The following SKA2 variants were observed in gnomAD, a reference collection of about 807,000 sequenced individuals.
The protein encoded by SKA2 is spindle and kinetochore associated complex subunit 2.
SKA2 carries 13 observed loss-of-function variants against 16.9 expected under a neutral mutation model. The ratio of observed to expected loss-of-function variants is 0.77; its 90% CI spans 0.50 to 1.22. The LOEUF (loss-of-function observed/expected upper bound fraction) is 1.22, where lower values mean the gene tolerates loss of function less well. SKA2 is among the 50% of genes most tolerant of loss of function. The pLI is 0.00. For synonymous variants in SKA2, 47 were observed against 48.5 expected, an observed-to-expected ratio of 0.97 and a Z score of 0.13; for missense variants, 107 against 139.7, an observed-to-expected ratio of 0.77 and a Z score of 1.18.
rs2046260072 is a variant in SKA2, at chr17:59,110,893, A to G, written c.*1384T>C. Reference sequence around the variant, plus strand: ...CTCACAACCCTGTTTTTCAGCTATTATAAGTTTGTTAATGGACAAACATGT... The same window carrying G: ...CTCACAACCCTGTTTTTCAGCTATTGTAAGTTTGTTAATGGACAAACATGT... On this transcript the variant is annotated 3_prime_UTR_variant, in exon 4 of 4. Transcript: ENST00000330137. The G allele has an allele frequency of 2.0e-5, 3 of 151,862 alleles. No homozygotes were observed. The highest frequency in any genetic ancestry group is 2.1e-4 in the South Asian group (1 of 4,820). The allele number at this position is 151,862 out of a possible 1,614,324, so 9.4% of individuals were successfully genotyped here.
At chr17:59,144,991 T>C (rs964119911) in intron 1 of SKA2, among the ~76,000 whole-genome samples, 4 of 152,066 alleles carry the variant, frequency 2.6e-5, no homozygotes, top group African/African-American at 4.8e-5. Context: ...AGAGACGGGG[T>C]TTCACCATGT....
Position 59,119,370 on chromosome 17 carries a change from C to G in SKA2, c.246G>C (p.Val82=). The G allele has an allele frequency of 6.2e-7, 1 of 1,613,948 alleles. No individual in the cohort carries two copies. ...TTTGTATCATATTCATAGTCTTTTT[C>G]ACAGTAGCACAAATGCGGCTCTTAC... ...KESKSRICAT[V]KKTMNMIQKL... is the part of the protein sequence containing the mutation. The change falls in exon 3 of 4, where the codon GTG becomes GTC. Residue 82 remains valine (V), a synonymous_variant. Coordinates refer to ENST00000330137, the MANE Select transcript of SKA2 (RefSeq NM_182620.4).
chr17:59,146,377 T>C (rs1217400076), intron 1 of SKA2, among the ~76,000 whole-genome samples: 1 of 152,162 alleles, frequency 6.6e-6, no homozygotes, highest in African/African-American at 2.4e-5. Context: ...TGCACGCCTG[T>C]AATCCCAGCT....
chr17:59,118,296 A>G (rs1156514426), intron 3 of SKA2: 2 of 152,240 alleles, frequency 1.3e-5, no homozygotes, highest in African/African-American at 2.4e-5. Flanking sequence ...CTATTACTAT[A>G]TAACTACTTT....
intron 1 of SKA2, among the ~76,000 whole-genome samples, chr17:59,152,154 G>A (rs1568313266): frequency 1.3e-5 from 2 of 152,136 alleles, no homozygotes; most frequent in Non-Finnish European, 2.9e-5. Context: ...GTAGTACCAC[G>A]AAAGAACAAA....
In SKA2 at chr17:59,145,291, T is replaced by C. The variant is rs376632055; in HGVS notation, c.33+9840A>G. ...TAAACAGTATGGTAAGAAAACTTAA[T>C]AGCTAGAATATTGATCTTACTTTCT... On this transcript the variant is annotated intron_variant, in intron 1 of 3. Transcript: ENST00000330137. Among the ~76,000 whole-genome samples, 3 of 152,214 alleles carry C rather than the reference T, an allele frequency of 2.0e-5. No homozygotes were observed. The East Asian group carries it at 5.8e-4, about 29-fold the overall frequency.
chr17:59,132,124 G>A (rs959386546), intron 1 of SKA2, among the ~76,000 whole-genome samples: 1 of 152,178 alleles, frequency 6.6e-6, no homozygotes, highest in African/African-American at 2.4e-5. Flanking sequence ...GGGAGGCCAA[G>A]GCAGGTGGAT....
intron 2 of SKA2, among the ~76,000 whole-genome samples, chr17:59,128,158 T>G (rs1599665938): frequency 2.0e-5 from 3 of 148,246 alleles, no homozygotes; most frequent in East Asian, 2.0e-4. Flanking sequence ...GAGGTTGCAG[T>G]GAGCTGAGAT....
At chr17:59,152,362 C>T (rs1353123631) in intron 1 of SKA2, among the ~76,000 whole-genome samples, 2 of 152,078 alleles carry the variant, frequency 1.3e-5, no homozygotes, top group Non-Finnish European at 2.9e-5. Flanking sequence ...TGGGCTCATA[C>T]AAAGGACAGC....
chr17:59,123,021 C>CAAAAAAAAAAAAAA (rs1197154280), intron 2 of SKA2, among the ~76,000 whole-genome samples: 1 of 49,154 alleles, frequency 2.0e-5, no homozygotes, highest in African/African-American at 7.0e-5. Context: ...AACCTTGTCT[C>CAAAAAAAAAAAAAA]AAAAAAAAAA....
At chr17:59,118,680 C>A (rs1041845838) in intron 3 of SKA2, among the ~76,000 whole-genome samples, 1 of 152,090 alleles carries the variant, frequency 6.6e-6, no homozygotes, top group Non-Finnish European at 1.5e-5. Flanking sequence ...TTCAATTGCC[C>A]TTCCTTCCTC....
At chr17:59,112,761 G>A (rs2046271621) in intron 3 of SKA2, among the ~76,000 whole-genome samples, 1 of 151,864 alleles carries the variant, frequency 6.6e-6, no homozygotes, top group Non-Finnish European at 1.5e-5. Context: ...ATATCCTCCT[G>A]TATACTTTAA....
intron 1 of SKA2, among the ~76,000 whole-genome samples, chr17:59,148,345 G>A (rs988105737): frequency 9.2e-5 from 14 of 152,108 alleles, no homozygotes. Context: ...GAAGGCTGAG[G>A]CAGGAGGACG....
chr17:59,120,810 A>T (rs1431123862), intron 2 of SKA2, among the ~76,000 whole-genome samples: 1 of 152,188 alleles, frequency 6.6e-6, no homozygotes, highest in African/African-American at 2.4e-5. Flanking sequence ...GTTAAAATTA[A>T]GAGAAAATCT....
chr17:59,143,092 T>C (rs987990386), intron 1 of SKA2, among the ~76,000 whole-genome samples: 11 of 152,022 alleles, frequency 7.2e-5, no homozygotes, highest in Admixed American at 6.6e-5. Context: ...TTTTAAAAGA[T>C]GTCTCTCTTA....
Position 59,114,655 on chromosome 17 carries a change from T to C in SKA2, c.298-2310A>G, listed in dbSNP as rs1028443168. On this transcript the variant is annotated intron_variant, in intron 3 of 3. Coordinates refer to ENST00000330137, the MANE Select transcript of SKA2 (RefSeq NM_182620.4). ...GTAGGCAGGAAAGGATAACAGATAC[T>C]GAGAAAGAAAAATGGCCAATAGCAT... 2.0e-5 allele frequency among the ~76,000 whole-genome samples: 3 copies of C among 152,116 alleles called. No homozygotes were observed. The East Asian group carries it at 5.8e-4, about 29-fold the overall frequency.
At chr17:59,140,825 G>A (rs1037897244) in intron 1 of SKA2, among the ~76,000 whole-genome samples, 18 of 144,650 alleles carry the variant, frequency 1.2e-4, no homozygotes, top group African/African-American at 3.6e-4. Flanking sequence ...GGGTTTCACC[G>A]TATTAGCTAG....
chr17:59,116,352 G>C (rs956133402), intron 3 of SKA2, among the ~76,000 whole-genome samples: 3 of 152,100 alleles, frequency 2.0e-5, no homozygotes, highest in African/African-American at 7.2e-5. Flanking sequence ...CAGCCTCGGC[G>C]ACAGAGGGAG....
At chr17:59,152,246 C>T (rs1415311266) in intron 1 of SKA2, among the ~76,000 whole-genome samples, 1 of 152,140 alleles carries the variant, frequency 6.6e-6, no homozygotes, top group Non-Finnish European at 1.5e-5. Context: ...CTTATTCCCC[C>T]ATTAGTAATG....
Sources: allele counts gnomAD v4.1 joint callset (sites outside exome capture counted in the v4.1 genomes callset), GRCh38; gene constraint gnomAD v4.1.1; transcripts MANE v1.5; gene names NCBI Gene and HGNC (gene_info 2026-07-23, HGNC 2026-07-21).